ANKRD6: variants seen among roughly 807,000 people sequenced by gnomAD.
The protein encoded by ANKRD6 is ankyrin repeat domain-containing protein 6.
In ANKRD6, 56 loss-of-function variants were observed where a neutral mutation model predicts 82.3. That is an observed-to-expected ratio of 0.68 (90% CI 0.55 to 0.85). The LOEUF (loss-of-function observed/expected upper bound fraction) is 0.85, where lower values mean the gene tolerates loss of function less well. Among genes scored for constraint, ANKRD6 ranks in the 40% least tolerant of loss-of-function variants. ANKRD6 has a pLI of 0.00. For missense variants in ANKRD6, 852 were observed against 907.6 expected (o/e 0.94, Z 0.79); for synonymous variants, 347 against 352.1 (o/e 0.99, Z 0.16).
rs367621244 is a variant in ANKRD6 at position 89,596,940 on chromosome 6, C to G, written c.219+926C>G. ...AATGTTGGAGTGTTTGCACTTATAA[C>G]CTCTTCCAAATTCACCTTTAATAAC... On this transcript the variant is annotated intron_variant, in intron 3 of 15. Coordinates refer to ENST00000339746, the MANE Select transcript of ANKRD6 (RefSeq NM_001242809.2). Among the ~76,000 whole-genome samples the G allele has an allele frequency of 4.3e-4, 66 of 152,336 alleles. No individual in the cohort carries two copies. In the South Asian group the frequency reaches 0.013, roughly 30 times the overall value.
At chr6:89,503,075 G>A (rs896080867) in intron 1 of ANKRD6, among the ~76,000 whole-genome samples, 1 of 152,144 alleles carries the variant, frequency 6.6e-6, no homozygotes, top group African/African-American at 2.4e-5. Flanking sequence ...AGTTCTTTCA[G>A]CCAGAACCAG....
chr6:89,450,320 AAAG>A (rs1464242913), intron 1 of ANKRD6, among the ~76,000 whole-genome samples: 3 of 152,024 alleles, frequency 2.0e-5, no homozygotes, highest in African/African-American at 4.8e-5. Context: ...CAAAAAAAAA[AAAG>A]AGGAAGAATC....
chr6:89,451,539 C>G (rs549167513), intron 1 of ANKRD6, among the ~76,000 whole-genome samples: 1 of 152,226 alleles, frequency 6.6e-6, no homozygotes, highest in East Asian at 1.9e-4. Context: ...TTACTAAATC[C>G]TGGAGAAAAG....
intron 1 of ANKRD6, chr6:89,565,174 A>C (rs1239012929): frequency 6.6e-6 from 1 of 151,528 alleles, no homozygotes; most frequent in Admixed American, 6.6e-5. Flanking sequence ...TTGAGTCTCA[A>C]CTTTATTCCT....
At chr6:89,600,371 C>T (rs1583621015) in intron 3 of ANKRD6, among the ~76,000 whole-genome samples, 1 of 152,110 alleles carries the variant, frequency 6.6e-6, no homozygotes, top group African/African-American at 2.4e-5. Context: ...CAGTGAAGGC[C>T]CTTCGTGAAA....
intron 13 of ANKRD6, among the ~76,000 whole-genome samples, chr6:89,625,737 C>CT (rs370616881): frequency 0.012 from 1,639 of 140,122 alleles, 28 homozygotes; most frequent in African/African-American, 0.034. Context: ...TTTGTTACAA[C>CT]TTTTTTTTTT....
intron 9 of ANKRD6, among the ~76,000 whole-genome samples, chr6:89,620,882 G>A (rs1294649569): frequency 3.3e-5 from 5 of 152,092 alleles, no homozygotes; most frequent in South Asian, 4.1e-4. Context: ...TGGCTAGCAC[G>A]GTGAAACCCC....
intron 2 of ANKRD6, among the ~76,000 whole-genome samples, chr6:89,567,650 T>G (rs1236763938): frequency 1.3e-5 from 2 of 152,162 alleles, no homozygotes; most frequent in Non-Finnish European, 2.9e-5. Flanking sequence ...CAAAGGCAGT[T>G]TTGTAGCAAA....
At chr6:89,567,430 G>A (rs768168050) in intron 2 of ANKRD6, among the ~76,000 whole-genome samples, 6 of 152,134 alleles carry the variant, frequency 3.9e-5, no homozygotes, top group Admixed American at 1.3e-4. Flanking sequence ...TGGGCCTCCC[G>A]GGGAGGTGGA....
intron 7 of ANKRD6, 97 bp downstream of exon 7, chr6:89,613,987 G>A (rs1563074601): frequency 2.4e-6 from 3 of 1,259,370 alleles, no homozygotes; most frequent in Non-Finnish European, 1.1e-6. Flanking sequence ...CTGCTGGGAA[G>A]CTGCCATGTC....
intron 1 of ANKRD6, among the ~76,000 whole-genome samples, chr6:89,557,993 T>C (rs1030817672): frequency 6.6e-6 from 1 of 152,134 alleles, no homozygotes. Flanking sequence ...TATTTCATCA[T>C]ATATTATAAT....
At chr6:89,505,938 T>C (rs1479125728) in intron 1 of ANKRD6, among the ~76,000 whole-genome samples, 1 of 152,196 alleles carries the variant, frequency 6.6e-6, no homozygotes, top group Non-Finnish European at 1.5e-5. Flanking sequence ...CAAGATGTTA[T>C]ACTAAATGAA....
At chr6:89,592,707 G>A (rs1005226452) in intron 2 of ANKRD6, among the ~76,000 whole-genome samples, 4 of 152,118 alleles carry the variant, frequency 2.6e-5, no homozygotes, top group African/African-American at 9.7e-5. Context: ...CATGGTTCTG[G>A]GAGCTGGGAA....
At chr6:89,499,813 TA>T (rs1779064838) in intron 1 of ANKRD6, among the ~76,000 whole-genome samples, 4 of 152,114 alleles carry the variant, frequency 2.6e-5, no homozygotes, top group Admixed American at 1.3e-4. Context: ...CTCCTCAGTT[TA>T]GCCTGTCTTC....
intron 1 of ANKRD6, among the ~76,000 whole-genome samples, chr6:89,458,053 G>T (rs1443896757): frequency 6.6e-6 from 1 of 152,148 alleles, no homozygotes; most frequent in African/African-American, 2.4e-5. Flanking sequence ...TATGAACCAG[G>T]AAATGGGCCC....
chr6:89,492,108 T>C (rs1778085683), intron 1 of ANKRD6, among the ~76,000 whole-genome samples: 2 of 152,226 alleles, frequency 1.3e-5, no homozygotes, highest in Non-Finnish European at 2.9e-5. Flanking sequence ...TAATCTTTCT[T>C]TTGTTATGGG....
intron 1 of ANKRD6, among the ~76,000 whole-genome samples, chr6:89,471,431 G>A (rs1451517080): frequency 1.3e-5 from 2 of 151,720 alleles, no homozygotes; most frequent in African/African-American, 4.8e-5. Context: ...CACCTGGAAG[G>A]TCATTGAAGC....
chr6:89,533,067 G>A (rs1783380722), intron 1 of ANKRD6, among the ~76,000 whole-genome samples: 1 of 151,952 alleles, frequency 6.6e-6, no homozygotes, highest in African/African-American at 2.4e-5. Context: ...AGTAGAGACG[G>A]GGTTTCACCA....
intron 1 of ANKRD6, among the ~76,000 whole-genome samples, chr6:89,463,837 C>T (rs1232704559): frequency 6.6e-6 from 1 of 152,192 alleles, no homozygotes; most frequent in Non-Finnish European, 1.5e-5. Context: ...AAGCATAAGC[C>T]ACCACGCCCA....
Sources: allele counts gnomAD v4.1 joint callset (sites outside exome capture counted in the v4.1 genomes callset), GRCh38; gene constraint gnomAD v4.1.1; transcripts MANE v1.5; gene names NCBI Gene and HGNC (gene_info 2026-07-23, HGNC 2026-07-21).